The following GRIK4 variants were observed in gnomAD, a reference collection of about 807,000 sequenced individuals.
The protein encoded by GRIK4 is glutamate receptor ionotropic, kainate 4.
A neutral mutation model predicts 104.9 loss-of-function variants in GRIK4; 40 were observed. The ratio of observed to expected loss-of-function variants is 0.38; its 90% CI spans 0.30 to 0.50. The LOEUF (loss-of-function observed/expected upper bound fraction) is 0.50, where lower values mean the gene tolerates loss of function less well. Ranked by LOEUF, GRIK4 falls within the 20% of genes least tolerant of loss-of-function variation. The pLI is 0.93. For synonymous variants in GRIK4, 485 were observed against 524.9 expected (o/e 0.92, Z 1.04); for missense variants, 1,047 against 1,308.1 (o/e 0.80, Z 3.08).
chr11:120,899,658 G>A (rs2134485068), intron 12 of GRIK4, among the ~76,000 whole-genome samples: 1 of 152,234 alleles, frequency 6.6e-6, no homozygotes, highest in East Asian at 1.9e-4. Context: ...GGTATTATTT[G>A]TCTTCCCCTC....
intron 11 of GRIK4, among the ~76,000 whole-genome samples, chr11:120,887,923 G>A (rs1271974807): frequency 1.3e-5 from 2 of 152,162 alleles, no homozygotes; most frequent in African/African-American, 4.8e-5. Flanking sequence ...GGGTGACTGG[G>A]AAACCCCAGG....
At chr11:120,977,492 G>A (rs1425613599) in intron 19 of GRIK4, among the ~76,000 whole-genome samples, 3 of 152,144 alleles carry the variant, frequency 2.0e-5, no homozygotes, top group Non-Finnish European at 2.9e-5. Flanking sequence ...GAACTGCTGC[G>A]CTCTCCGAAC....
rs1591324496 is a variant in GRIK4 at position 120,952,995 on chromosome 11, A to C, written c.1700+31A>C. 1.5e-6 allele frequency: 2 copies of C among 1,336,272 alleles called. No homozygotes were observed. Among genetic ancestry groups the C allele is most frequent in the Non-Finnish European group, 1.1e-6 (1 of 940,550 alleles). The allele number at this position is 1,336,272 out of a possible 1,614,324, so 82.8% of individuals were successfully genotyped here. On this transcript the variant is annotated intron_variant, in intron 15 of 20. Coordinates refer to ENST00000527524, the MANE Select transcript of GRIK4 (RefSeq NM_014619.5). This position sits in a 1 kb window ranked among gnomAD's most constrained non-coding sequence, Gnocchi z 5.2. ...CTCCTCTTCCCTTCCCTGTCCTTAC[A>C]CCGCCACCTCGTGTCCACCTCTGGG... is the stretch of plus-strand genomic sequence containing the variant.
chr11:120,701,951 C>CTTTTT (rs34068640), intron 3 of GRIK4, among the ~76,000 whole-genome samples: 25 of 92,080 alleles, frequency 2.7e-4, no homozygotes, highest in Non-Finnish European at 3.2e-4. Context: ...TGATTCCAAG[C>CTTTTT]TTTTTTTTTT....
intron 3 of GRIK4, among the ~76,000 whole-genome samples, chr11:120,780,536 C>T (rs1952133341): frequency 6.6e-6 from 1 of 152,142 alleles, no homozygotes; most frequent in Non-Finnish European, 1.5e-5. Context: ...TGTGGCCGGA[C>T]ACTTGGGTTG....
intron 8 of GRIK4, among the ~76,000 whole-genome samples, chr11:120,850,609 G>T (rs1437217900): frequency 6.6e-6 from 1 of 152,086 alleles, no homozygotes; most frequent in Non-Finnish European, 1.5e-5. Flanking sequence ...CTGTAAACCA[G>T]CCCCTGAGGG....
intron 1 of GRIK4, among the ~76,000 whole-genome samples, chr11:120,568,596 C>A (rs568074752): frequency 6.5e-4 from 99 of 152,252 alleles, no homozygotes; most frequent in African/African-American, 2.3e-3. Flanking sequence ...CCATGTCAGC[C>A]AGGCTGGTCT....
intron 1 of GRIK4, among the ~76,000 whole-genome samples, chr11:120,639,892 C>T (rs1475988752): frequency 2.0e-5 from 3 of 152,174 alleles, no homozygotes; most frequent in African/African-American, 7.2e-5. Flanking sequence ...ACAATCTAGA[C>T]TTCCTAGCAT....
At chr11:120,811,035 AC>A (rs1263378410) in intron 4 of GRIK4, among the ~76,000 whole-genome samples, 6 of 152,172 alleles carry the variant, frequency 3.9e-5, no homozygotes, top group Non-Finnish European at 8.8e-5. Context: ...ACCCCAGGCT[AC>A]AGGTTAAGAA....
intron 3 of GRIK4, among the ~76,000 whole-genome samples, chr11:120,712,639 AACTTCT>A (rs993981911): frequency 6.6e-6 from 1 of 151,846 alleles, no homozygotes; most frequent in Non-Finnish European, 1.5e-5. Flanking sequence ...AAAAAAAAAA[AACTTCT>A]ACTTAAATTC....
rs547653221 is a variant in GRIK4 at position 120,675,735 on chromosome 11, G to A, written c.82+15335G>A. Among the ~76,000 whole-genome samples, 101 of 152,180 alleles carry A rather than the reference G, an allele frequency of 6.6e-4. 1 individual carries two copies. Among genetic ancestry groups the A allele is most frequent in the Middle Eastern group, 3.4e-3 (1 of 294 alleles). On this transcript the variant is annotated intron_variant, in intron 3 of 20. Transcript: ENST00000527524. ...TCTCTGTTTCCTACTATGAAATGGGGATAATAATACTCACCTTATAGAATT... is the reference window on the plus strand; with the variant it reads ...TCTCTGTTTCCTACTATGAAATGGGAATAATAATACTCACCTTATAGAATT...
chr11:120,799,017 C>G (rs1269111205), intron 3 of GRIK4, among the ~76,000 whole-genome samples: 1 of 152,182 alleles, frequency 6.6e-6, no homozygotes, highest in Non-Finnish European at 1.5e-5. Context: ...TTGGTGTGTG[C>G]TGCCTCCTGT....
At chr11:120,710,997 T>TGGGGGGGGGGGG (rs139734821) in intron 3 of GRIK4, among the ~76,000 whole-genome samples, 17 of 124,864 alleles carry the variant, frequency 1.4e-4, no homozygotes, top group African/African-American at 2.2e-4. Flanking sequence ...CCCTGTGAGG[T>TGGGGGGGGGGGG]GGGGAGGGGG....
intron 1 of GRIK4, among the ~76,000 whole-genome samples, chr11:120,639,064 G>C (rs985547700): frequency 6.6e-6 from 1 of 152,082 alleles, no homozygotes; most frequent in African/African-American, 2.4e-5. Flanking sequence ...TGGACATGGT[G>C]GTGGGCGCCT....
intron 15 of GRIK4, among the ~76,000 whole-genome samples, chr11:120,954,131 G>C (rs1336821261): frequency 6.6e-6 from 1 of 152,016 alleles, no homozygotes; most frequent in South Asian, 2.1e-4. Context: ...AGGGAACCAC[G>C]GGCTACCTAA....
intron 3 of GRIK4, among the ~76,000 whole-genome samples, chr11:120,710,555 G>A (rs1213195494): frequency 6.6e-6 from 1 of 152,188 alleles, no homozygotes; most frequent in Non-Finnish European, 1.5e-5. Context: ...AGTGGTGCGG[G>A]CTCTTTCTTC....
intron 1 of GRIK4, among the ~76,000 whole-genome samples, chr11:120,518,599 A>G (rs1947758682): frequency 6.6e-6 from 1 of 152,140 alleles, no homozygotes; most frequent in African/African-American, 2.4e-5. Flanking sequence ...CCAGGGCTCC[A>G]GGCTTCCCAG....
chr11:120,526,579 T>A (rs1410971210), intron 1 of GRIK4, among the ~76,000 whole-genome samples: 1 of 152,212 alleles, frequency 6.6e-6, no homozygotes, highest in Non-Finnish European at 1.5e-5. Flanking sequence ...ATGCCTGTAA[T>A]CCTAGCATTT....
intron 9 of GRIK4, among the ~76,000 whole-genome samples, chr11:120,867,074 G>A (rs576866670): frequency 3.3e-5 from 5 of 152,056 alleles, no homozygotes; most frequent in Non-Finnish European, 5.9e-5. Context: ...GGAGTAGAAC[G>A]TACATCTGTC....
Sources: allele counts gnomAD v4.1 joint callset (sites outside exome capture counted in the v4.1 genomes callset), GRCh38; gene constraint gnomAD v4.1.1; non-coding constraint Gnocchi (gnomAD v3.1); transcripts MANE v1.5; gene names NCBI Gene and HGNC (gene_info 2026-07-23, HGNC 2026-07-21).